The following SEMA3C variants were observed in gnomAD, a reference collection of about 807,000 sequenced individuals.
The protein encoded by SEMA3C is semaphorin-3C.
Under a neutral mutation model 89.4 loss-of-function variants are expected in SEMA3C, and 47 were observed. The ratio of observed to expected loss-of-function variants is 0.53; its 90% CI spans 0.42 to 0.67. SEMA3C has a LOEUF of 0.67. Among genes scored for constraint, SEMA3C ranks in the 30% least tolerant of loss-of-function variants. The pLI, the probability that SEMA3C is intolerant of heterozygous loss-of-function variation, is 0.00. For missense variants in SEMA3C, 839 were observed against 929.1 expected (o/e 0.90, Z 1.26); for synonymous variants, 310 against 320.2 (o/e 0.97, Z 0.34).
chr7:80,746,639 C>CT (rs2117022671), intron 17 of SEMA3C, among the ~76,000 whole-genome samples: 2 of 150,526 alleles, frequency 1.3e-5, no homozygotes, highest in East Asian at 3.9e-4. Flanking sequence ...AAAAAAAACA[C>CT]TTAAGGTATA....
chr7:80,880,451 G>C (rs1562920983), intron 2 of SEMA3C, among the ~76,000 whole-genome samples: 1 of 152,190 alleles, frequency 6.6e-6, no homozygotes, highest in Non-Finnish European at 1.5e-5. Flanking sequence ...TTAAATGAAT[G>C]AATGAATTTG....
chr7:80,818,816 T>C (rs1348969279), intron 4 of SEMA3C, among the ~76,000 whole-genome samples: 1 of 152,174 alleles, frequency 6.6e-6, no homozygotes, highest in Non-Finnish European at 1.5e-5. Context: ...ATTAGTATAT[T>C]TGCACCTCTT....
chr7:80,863,140 GA>G (rs1790811534), intron 2 of SEMA3C, among the ~76,000 whole-genome samples: 1 of 151,870 alleles, frequency 6.6e-6, no homozygotes, highest in Non-Finnish European at 1.5e-5. Flanking sequence ...GCTGAAGCTG[GA>G]GAATTGCTTG....
intron 2 of SEMA3C, among the ~76,000 whole-genome samples, chr7:80,874,124 G>A (rs1237066927): frequency 6.6e-6 from 1 of 152,104 alleles, no homozygotes; most frequent in African/African-American, 2.4e-5. Flanking sequence ...CAATGGTTTT[G>A]GAGCTTTTCA....
chr7:80,920,996 A>G (rs1017648194), upstream of SEMA3C, among the ~76,000 whole-genome samples: 1 of 152,238 alleles, frequency 6.6e-6, no homozygotes, highest in Non-Finnish European at 1.5e-5. Context: ...TGATCAGCAA[A>G]TTCACGTAAG....
At chr7:80,788,815 A>T (rs2115578724) in intron 12 of SEMA3C, among the ~76,000 whole-genome samples, 1 of 152,302 alleles carries the variant, frequency 6.6e-6, no homozygotes, top group East Asian at 1.9e-4. Flanking sequence ...AAGAAGTCAC[A>T]GAGTCTGTTT....
intron 2 of SEMA3C, among the ~76,000 whole-genome samples, chr7:80,875,611 T>A (rs1473524679): frequency 1.3e-5 from 2 of 152,068 alleles, no homozygotes; most frequent in African/African-American, 4.8e-5. Flanking sequence ...AAAATCCCCC[T>A]CCATCCAACT....
At chr7:80,780,669 A>G (rs1479652689) in intron 12 of SEMA3C, among the ~76,000 whole-genome samples, 1 of 152,164 alleles carries the variant, frequency 6.6e-6, no homozygotes. Context: ...AGATGGCTTG[A>G]GCCCAGGAGT....
intron 17 of SEMA3C, among the ~76,000 whole-genome samples, chr7:80,747,832 G>C (rs990196222): frequency 2.6e-5 from 4 of 152,060 alleles, no homozygotes; most frequent in African/African-American, 7.2e-5. Context: ...CCTCCTGCAA[G>C]TAGTCATCTG....
chr7:80,820,684 T>C (rs546830369), intron 4 of SEMA3C, among the ~76,000 whole-genome samples: 1 of 152,314 alleles, frequency 6.6e-6, no homozygotes, highest in South Asian at 2.1e-4. Flanking sequence ...TGTCATTTTA[T>C]CTTGACACCT....
chr7:80,762,541 G>C (rs1238196215), intron 13 of SEMA3C, among the ~76,000 whole-genome samples: 1 of 152,116 alleles, frequency 6.6e-6, no homozygotes, highest in Non-Finnish European at 1.5e-5. Flanking sequence ...ACTTCTGGTG[G>C]GGTGCAGTGG....
At chr7:80,869,236 T>C (rs1791000302) in intron 2 of SEMA3C, among the ~76,000 whole-genome samples, 1 of 152,186 alleles carries the variant, frequency 6.6e-6, no homozygotes, top group Non-Finnish European at 1.5e-5. Context: ...CTTATGAATT[T>C]AATGTTCATA....
intron 12 of SEMA3C, among the ~76,000 whole-genome samples, chr7:80,766,795 G>A (rs1003516438): frequency 2.0e-5 from 3 of 152,184 alleles, no homozygotes; most frequent in Non-Finnish European, 1.5e-5. Context: ...GCTCAAGCAT[G>A]TCCATTAACA....
At chr7:80,792,761 C>T (rs1268891865) in intron 11 of SEMA3C, among the ~76,000 whole-genome samples, 1 of 152,154 alleles carries the variant, frequency 6.6e-6, no homozygotes, top group East Asian at 1.9e-4. Flanking sequence ...ACTTACCAAA[C>T]AATTCTTTTT....
chr7:80,908,321 G>T (rs1387477217), intron 2 of SEMA3C, among the ~76,000 whole-genome samples: 6 of 152,184 alleles, frequency 3.9e-5, no homozygotes, highest in Non-Finnish European at 8.8e-5. Context: ...AGCGATGAAT[G>T]AAGTGCCAGC....
At chr7:80,798,721 T>C (rs1789125917) in intron 10 of SEMA3C, among the ~76,000 whole-genome samples, 2 of 152,182 alleles carry the variant, frequency 1.3e-5, no homozygotes, top group South Asian at 2.1e-4. Context: ...GTTGGAGAAG[T>C]CTATGTTGTC....
chr7:80,821,183 G>C (rs1789737563), intron 4 of SEMA3C, among the ~76,000 whole-genome samples: 1 of 151,980 alleles, frequency 6.6e-6, no homozygotes, highest in African/African-American at 2.4e-5. Context: ...CTTTATAGCT[G>C]ACATTTATTT....
At chr7:80,792,538 G>A (rs143791342) in intron 11 of SEMA3C, among the ~76,000 whole-genome samples, 106 of 152,232 alleles carry the variant, frequency 7.0e-4, no homozygotes, top group African/African-American at 2.5e-3. Context: ...CTTATTAAAT[G>A]ACCAGTGCCT....
Position 80,827,416 on chromosome 7 carries a change from A to G in SEMA3C, c.327+9T>C. The G allele has an allele frequency of 8.2e-7, 1 of 1,215,992 alleles. No individual in the cohort carries two copies. Among genetic ancestry groups the G allele is most frequent in the African/African-American group, 1.9e-5 (1 of 52,208 alleles). The allele number at this position is 1,215,992 out of a possible 1,614,324, so 75.3% of individuals were successfully genotyped here. On this transcript the variant is annotated intron_variant, in intron 4 of 17. Coordinates refer to ENST00000265361, the MANE Select transcript of SEMA3C (RefSeq NM_006379.5). ...TGTTTTTTTTTTTTTTTTTTTTTTT[A>G]ACACTTACTGTGGGATCTTTGCCAG... is the stretch of plus-strand genomic sequence containing the variant.
Sources: allele counts gnomAD v4.1 joint callset (sites outside exome capture counted in the v4.1 genomes callset), GRCh38; gene constraint gnomAD v4.1.1; transcripts MANE v1.5; gene names NCBI Gene and HGNC (gene_info 2026-07-23, HGNC 2026-07-21).